ZBED4: variants seen among roughly 807,000 people sequenced by gnomAD.
ZBED4 encodes the protein zinc finger BED-type containing 4, also known as zinc finger BED domain-containing protein 4.
In ZBED4, 4 loss-of-function variants were observed where a neutral mutation model predicts 15.5. The ratio of observed to expected loss-of-function variants is 0.26; its 90% CI spans 0.13 to 0.59. The LOEUF is 0.59. ZBED4 is among the 20% of genes least tolerant of loss of function. The pLI is 0.90. For missense variants in ZBED4, 1,323 were observed against 1,461.8 expected, an observed-to-expected ratio of 0.91 and a Z score of 1.55; for synonymous variants, 692 against 608.5, an observed-to-expected ratio of 1.14 and a Z score of -2.02.
At chr22:49,882,410 G>A (rs768769557) in intron 1 of ZBED4, among the ~76,000 whole-genome samples, 3 of 152,072 alleles carry the variant, frequency 2.0e-5, no homozygotes, top group Middle Eastern at 3.2e-3. Context: ...GTAAAACTCC[G>A]TCTCTTCAAA....
intron 1 of ZBED4, among the ~76,000 whole-genome samples, chr22:49,858,589 C>T (rs1482912935): frequency 6.6e-6 from 1 of 152,208 alleles, no homozygotes; most frequent in Non-Finnish European, 1.5e-5. Context: ...CCAGCTGCCA[C>T]CTGGCACGTG....
chr22:49,873,693 G>T (rs1295685327), intron 1 of ZBED4, among the ~76,000 whole-genome samples: 1 of 151,960 alleles, frequency 6.6e-6, no homozygotes, highest in Non-Finnish European at 1.5e-5. Context: ...GTGATATGAG[G>T]TGATATGAGG....
At chr22:49,863,298 C>T (rs759790978) in intron 1 of ZBED4, among the ~76,000 whole-genome samples, 4 of 152,126 alleles carry the variant, frequency 2.6e-5, no homozygotes, top group Non-Finnish European at 4.4e-5. Context: ...TAACTGGGAC[C>T]ACAGGCACGC....
In ZBED4 at chr22:49,889,311, G is replaced by A. The variant is rs983964040; in HGVS notation, c.*2133G>A. The A allele has an allele frequency of 1.2e-5, 2 of 167,040 alleles. No individual in the cohort carries two copies. The highest frequency in any genetic ancestry group is 4.8e-5 in the African/African-American group (2 of 41,450). 10.3% of individuals were successfully genotyped at this position (167,040 alleles called of 1,614,324 possible). On this transcript the variant is annotated 3_prime_UTR_variant, in exon 2 of 2. Transcript: ENST00000216268. ...AGCTGTTTTTTTAACATGGTGTCTT[G>A]GCTACTTTCAGGCTGCGACGGGAGA...
intron 1 of ZBED4, among the ~76,000 whole-genome samples, chr22:49,862,693 CTTTTTTTT>C (rs66520307): frequency 1.9e-3 from 112 of 59,014 alleles, no homozygotes; most frequent in Middle Eastern, 0.014. Flanking sequence ...TAAGTTTTTC[CTTTTTTTT>C]TTTTTTTTTT....
chr22:49,874,016 C>T (rs577865933), intron 1 of ZBED4, among the ~76,000 whole-genome samples: 1 of 152,374 alleles, frequency 6.6e-6, no homozygotes, highest in South Asian at 2.1e-4. Context: ...CCTGTGACCT[C>T]TCTGAACTCT....
chr22:49,865,953 C>T (rs928066941), intron 1 of ZBED4, among the ~76,000 whole-genome samples: 1 of 151,904 alleles, frequency 6.6e-6, no homozygotes, highest in African/African-American at 2.4e-5. Context: ...TTCAAGCAGC[C>T]CTCCCGCCTC....
chr22:49,868,979 C>T (rs1828879016), intron 1 of ZBED4, among the ~76,000 whole-genome samples: 2 of 149,082 alleles, frequency 1.3e-5, no homozygotes, highest in African/African-American at 5.0e-5. Context: ...AAAAAATTAG[C>T]TGGGTGTGAT....
chr22:49,858,341 G>C (rs532344834), intron 1 of ZBED4, among the ~76,000 whole-genome samples: 1 of 152,308 alleles, frequency 6.6e-6, no homozygotes, highest in East Asian at 1.9e-4. Flanking sequence ...GTGTAGCCCC[G>C]ATGGTAGTTT....
chr22:49,870,943 A>ATTTT (rs61472662), intron 1 of ZBED4, among the ~76,000 whole-genome samples: 13,999 of 137,950 alleles, frequency 0.1, 949 homozygotes, highest in African/African-American at 0.18. Flanking sequence ...TAAAAGATAG[A>ATTTT]TTTTTTTTTT....
At position 49,885,678 on chromosome 22, in the gene ZBED4, A is replaced by G. The variant is rs559738553; in HGVS notation, c.2016A>G (p.Pro672=). Residue 672 remains proline (P), a synonymous_variant, in exon 2 of 2, where the codon CCA becomes CCG. Transcript: ENST00000216268. ...AAATGATTGCACTTGACCTCCAGCC[A>G]TATTCTTTTGTAGACAACGTTGGCT... is the stretch of plus-strand genomic sequence containing the variant. ...IAEMIALDLQ[P]YSFVDNVGFN... The G allele has an allele frequency of 3.7e-6, 6 of 1,612,440 alleles. No homozygotes were observed. In the African/African-American group the frequency reaches 8.0e-5, roughly 21 times the overall value.
rs753189667 is a variant in ZBED4, at chr22:49,884,204, C to G, written c.542C>G (p.Ser181Trp). ...QENGSVSAVS[S>W]FPSPSLLLPP... ...AATGGCAGTGTGTCTGCCGTGTCCT[C>G]GTTCCCCTCTCCCTCACTCCTGCTT... Residue 181 changes from serine to tryptophan, a missense_variant, in exon 2 of 2, where the codon TCG becomes TGG. Physicochemically the swap from Ser to Trp is radical, Grantham distance 177 (BLOSUM62 -3). Transcript: ENST00000216268. 1 of 1,606,324 alleles carries G rather than the reference C, an allele frequency of 6.2e-7. No individual in the cohort carries two copies.
chr22:49,881,009 C>T (rs1192718968), intron 1 of ZBED4, among the ~76,000 whole-genome samples: 1 of 152,198 alleles, frequency 6.6e-6, no homozygotes, highest in Non-Finnish European at 1.5e-5. Flanking sequence ...TTATTTCATG[C>T]TTTCATGCAT....
intron 1 of ZBED4, among the ~76,000 whole-genome samples, chr22:49,856,426 T>C (rs549106431): frequency 1.8e-4 from 28 of 152,296 alleles, no homozygotes; most frequent in African/African-American, 6.3e-4. Flanking sequence ...GGAGACCTCA[T>C]AGGGAGAGGA....
At chr22:49,881,330 G>A (rs954875470) in intron 1 of ZBED4, among the ~76,000 whole-genome samples, 3 of 152,250 alleles carry the variant, frequency 2.0e-5, no homozygotes, top group Non-Finnish European at 2.9e-5. Flanking sequence ...CAGCCTGGGC[G>A]ACAGAGTGAT....
At chr22:49,862,695 T>A (rs1318954042) in intron 1 of ZBED4, among the ~76,000 whole-genome samples, 1 of 27,462 alleles carries the variant, frequency 3.6e-5, no homozygotes, top group African/African-American at 4.9e-5. Flanking sequence ...AGTTTTTCCT[T>A]TTTTTTTTTT....
chr22:49,877,093 G>A (rs1030371783), intron 1 of ZBED4, among the ~76,000 whole-genome samples: 1 of 152,094 alleles, frequency 6.6e-6, no homozygotes, highest in Non-Finnish European at 1.5e-5. Flanking sequence ...TTATGTAAAA[G>A]TAAATGAACG....
intron 1 of ZBED4, among the ~76,000 whole-genome samples, chr22:49,865,478 G>T (rs1291911975): frequency 6.6e-6 from 1 of 151,378 alleles, no homozygotes; most frequent in Non-Finnish European, 1.5e-5. Flanking sequence ...GTGAAACCCC[G>T]TCTCTATTAA....
At chr22:49,853,416 C>T (rs1175870665), upstream of ZBED4, 1 of 152,258 alleles carries the variant, frequency 6.6e-6, no homozygotes, top group African/African-American at 2.4e-5. Flanking sequence ...GGCCTCTGCG[C>T]CAGGTAAGGG....
Sources: gnomAD v4.1 joint callset for allele counts (sites outside exome capture counted in the v4.1 genomes callset) on GRCh38, gnomAD v4.1.1 for gene constraint, MANE v1.5 for transcripts, NCBI Gene and HGNC (gene_info 2026-07-23, HGNC 2026-07-21) for gene names.